DPYD: variants seen among roughly 807,000 people sequenced by gnomAD.
The protein encoded by DPYD is dihydropyrimidine dehydrogenase, also known as dihydropyrimidine dehydrogenase [NADP(+)].
In DPYD, 109 loss-of-function variants were observed where a neutral mutation model predicts 116.2. That is an observed-to-expected ratio of 0.94 (90% CI 0.80 to 1.10). DPYD has a LOEUF of 1.10. DPYD is among the 50% of genes least tolerant of loss of function. The probability of loss-of-function intolerance (pLI) is 0.00; values close to 1 mark genes in which losing one functional copy is unlikely to be tolerated. For synonymous variants in DPYD, 440 were observed against 432.0 expected (o/e 1.02, Z -0.23); for missense variants, 1,302 against 1,254.5 (o/e 1.04, Z -0.57).
chr1:97,562,743 G>A (rs1652239853), intron 11 of DPYD, among the ~76,000 whole-genome samples: 1 of 151,948 alleles, frequency 6.6e-6, no homozygotes, highest in Non-Finnish European at 1.5e-5. Context: ...TTTTGAGATG[G>A]AGTCTCACTC....
Position 97,429,010 on chromosome 1 carries a change from A to C in DPYD, c.1905+21049T>G, listed in dbSNP as rs138265761. The stretch of plus-strand genomic sequence containing the variant: ...TCAAAATATCAGTTCAGGAAAATTT[A>C]AGAGCTTAAGTAGTAAAATAGTGTG... On this transcript the variant is annotated intron_variant, in intron 14 of 22. Transcript: ENST00000370192. 3.4e-3 allele frequency among the ~76,000 whole-genome samples: 516 copies of C among 152,204 alleles called. 1 individual carries two copies. Among genetic ancestry groups the C allele is most frequent in the African/African-American group, 0.011 (453 of 41,564 alleles).
At chr1:97,907,566 C>T (rs371048053) in intron 1 of DPYD, among the ~76,000 whole-genome samples, 1 of 152,068 alleles carries the variant, frequency 6.6e-6, no homozygotes, top group African/African-American at 2.4e-5. Context: ...TAGGAATAGT[C>T]AACCCCAATT....
chr1:97,757,997 C>T (rs1264503084), intron 3 of DPYD, among the ~76,000 whole-genome samples: 4 of 152,086 alleles, frequency 2.6e-5, no homozygotes, highest in African/African-American at 4.8e-5. Flanking sequence ...AGAAATGGAG[C>T]GCCTGCCCCT....
chr1:97,566,871 C>CA (rs1450513905), intron 11 of DPYD, among the ~76,000 whole-genome samples: 1 of 152,096 alleles, frequency 6.6e-6, no homozygotes, highest in Admixed American at 6.6e-5. Flanking sequence ...CTAGCATTCT[C>CA]AATTTCATTA....
Position 97,779,358 on chromosome 1 carries a change from T to A in DPYD, c.234-38879A>T, listed in dbSNP as rs143720621. Among the ~76,000 whole-genome samples, 1,032 of 151,944 alleles carry A rather than the reference T, an allele frequency of 6.8e-3. 7 individuals are homozygous for A. Among genetic ancestry groups the A allele is most frequent in the Non-Finnish European group, 0.011 (777 of 67,864 alleles). ...ACTTACAAGCTGCAATAGCTTAGAT[T>A]TGAAGAAAGTACAGGGAAAATAAAG... On this transcript the variant is annotated intron_variant, in intron 3 of 22. Coordinates refer to ENST00000370192, the MANE Select transcript of DPYD (RefSeq NM_000110.4).
intron 16 of DPYD, among the ~76,000 whole-genome samples, chr1:97,314,487 T>C (rs1667696482): frequency 1.8e-5 from 2 of 113,674 alleles, no homozygotes; most frequent in African/African-American, 3.5e-5. Context: ...TCGCTAAAGC[T>C]TTCTTTTTTT....
chr1:97,159,565 A>C (rs1362542935), intron 20 of DPYD, among the ~76,000 whole-genome samples: 1 of 152,014 alleles, frequency 6.6e-6, no homozygotes, highest in Non-Finnish European at 1.5e-5. Context: ...TAAACCCACA[A>C]ACCATACATT....
intron 3 of DPYD, among the ~76,000 whole-genome samples, chr1:97,741,259 C>T (rs889717466): frequency 2.0e-5 from 3 of 152,162 alleles, no homozygotes; most frequent in African/African-American, 7.2e-5. Flanking sequence ...ACTATTTGCT[C>T]AGTCCCACTT....
At chr1:97,216,947 C>T (rs1315795289) in intron 19 of DPYD, among the ~76,000 whole-genome samples, 1 of 152,042 alleles carries the variant, frequency 6.6e-6, no homozygotes, top group South Asian at 2.1e-4. Flanking sequence ...GTGGCTCATG[C>T]CTGTAATCCC....
intron 19 of DPYD, among the ~76,000 whole-genome samples, chr1:97,211,816 A>C (rs1486749052): frequency 1.3e-5 from 2 of 152,224 alleles, no homozygotes; most frequent in Admixed American, 1.3e-4. Flanking sequence ...AGGTTCACAA[A>C]CATTAATTTT....
intron 8 of DPYD, among the ~76,000 whole-genome samples, chr1:97,606,079 T>C (rs963533723): frequency 1.3e-5 from 2 of 152,076 alleles, no homozygotes; most frequent in Non-Finnish European, 2.9e-5. Flanking sequence ...AAAATTATTT[T>C]AAAATAGTCT....
At chr1:97,099,536 T>C (rs1557862065) in intron 20 of DPYD, among the ~76,000 whole-genome samples, 1 of 152,130 alleles carries the variant, frequency 6.6e-6, no homozygotes. Flanking sequence ...TACTGACACA[T>C]ACTGCTGGTG....
Position 97,079,140 on chromosome 1 carries a change from G to C in DPYD, c.2914C>G (p.Gln972Glu), listed in dbSNP as rs1474059755. ...TCNDSGYQAI[Q>E]FDPETHLPTI... ...GGCAGGTGGGTTTCTGGATCAAACT[G>C]TATAGCCTGCAAACAGAAATAGAGG... Residue 972 changes from glutamine (Q) to glutamate (E), a missense_variant, in exon 23 of 23, where the codon CAG (glutamine) becomes GAG (glutamate). Gln to Glu is a conservative substitution (Grantham distance 29, BLOSUM62 2). Transcript: ENST00000370192. 1.9e-6 allele frequency: 3 copies of C among 1,613,348 alleles called. No individual in the cohort carries two copies. Among genetic ancestry groups the C allele is most frequent in the Non-Finnish European group, 2.5e-6 (3 of 1,179,562 alleles).
At chr1:97,730,010 T>C (rs1170623624) in intron 4 of DPYD, among the ~76,000 whole-genome samples, 1 of 152,200 alleles carries the variant, frequency 6.6e-6, no homozygotes, top group Non-Finnish European at 1.5e-5. Flanking sequence ...TTCAGCTTTT[T>C]TCCAATTGGA....
At chr1:97,557,225 T>TA (rs1421405402) in intron 11 of DPYD, among the ~76,000 whole-genome samples, 1 of 152,006 alleles carries the variant, frequency 6.6e-6, no homozygotes, top group African/African-American at 2.4e-5. Context: ...CTTGTAAATT[T>TA]GTTTGAGTTC....
At chr1:97,785,222 TAATA>T (rs1162793589) in intron 3 of DPYD, among the ~76,000 whole-genome samples, 3 of 152,176 alleles carry the variant, frequency 2.0e-5, no homozygotes, top group African/African-American at 7.2e-5. Flanking sequence ...ATTGAACGTT[TAATA>T]ATTATGCATA....
At chr1:97,471,299 A>AT (rs1557735201) in intron 13 of DPYD, among the ~76,000 whole-genome samples, 1 of 152,086 alleles carries the variant, frequency 6.6e-6, no homozygotes, top group Non-Finnish European at 1.5e-5. Context: ...AGGACAGGGA[A>AT]TAAAAAAAAC....
intron 19 of DPYD, among the ~76,000 whole-genome samples, chr1:97,233,946 G>C (rs978125838): frequency 6.6e-6 from 1 of 152,124 alleles, no homozygotes; most frequent in African/African-American, 2.4e-5. Flanking sequence ...ATAGATTGTA[G>C]GTATTTCATA....
At chr1:97,756,377 T>A (rs1377206348) in intron 3 of DPYD, among the ~76,000 whole-genome samples, 1 of 152,114 alleles carries the variant, frequency 6.6e-6, no homozygotes, top group Non-Finnish European at 1.5e-5. Context: ...CCAATGAGTC[T>A]CCCTTTGTCA....
Sources: gnomAD v4.1 joint callset for allele counts (sites outside exome capture counted in the v4.1 genomes callset) on GRCh38, gnomAD v4.1.1 for gene constraint, MANE v1.5 for transcripts, NCBI Gene and HGNC (gene_info 2026-07-23, HGNC 2026-07-21) for gene names.